CAV1: variants seen among roughly 807,000 people sequenced by gnomAD.
CAV1 encodes the protein caveolin-1.
CAV1 carries 10 observed loss-of-function variants against 16.5 expected under a neutral mutation model. The observed-to-expected ratio is 0.61, with a 90% CI of 0.37 to 1.03. The LOEUF (loss-of-function observed/expected upper bound fraction) is 1.03. Ranked by LOEUF, CAV1 falls within the 50% of genes least tolerant of loss-of-function variation. The pLI is 0.01. For missense variants in CAV1, 212 were observed against 232.8 expected, an observed-to-expected ratio of 0.91 and a Z score of 0.58; for synonymous variants, 76 against 85.1, an observed-to-expected ratio of 0.89 and a Z score of 0.59.
intron 2 of CAV1, among the ~76,000 whole-genome samples, chr7:116,548,465 G>T (rs1256808625): frequency 6.6e-6 from 1 of 152,186 alleles, no homozygotes; most frequent in Non-Finnish European, 1.5e-5. Flanking sequence ...AAGCCAGCCA[G>T]CTATATCCTC....
Position 116,536,310 on chromosome 7 carries a change from T to C in CAV1, c.195+9621T>C, listed in dbSNP as rs557523742. On this transcript the variant is annotated intron_variant, in intron 2 of 2. Coordinates refer to ENST00000341049, the MANE Select transcript of CAV1 (RefSeq NM_001753.5). ...ACCATTTATGTGCATGGTGCTTCCA[T>C]GTGTGATGACCCAATCAGGCTCAGG... Among the ~76,000 whole-genome samples the C allele has an allele frequency of 2.8e-4, 43 of 152,194 alleles. No homozygotes were observed. In the South Asian group the frequency reaches 8.7e-3, roughly 31 times the overall value.
chr7:116,548,716 A>C (rs1794101358), intron 2 of CAV1, among the ~76,000 whole-genome samples: 1 of 152,122 alleles, frequency 6.6e-6, no homozygotes, highest in South Asian at 2.1e-4. Flanking sequence ...AGGAACTGAG[A>C]GAGCAAAATC....
Position 116,531,735 on chromosome 7 carries a change from A to C in CAV1, c.195+5046A>C, listed in dbSNP as rs564512837. On this transcript the variant is annotated intron_variant, in intron 2 of 2. Transcript: ENST00000341049. Reference sequence around the variant, plus strand: ...GTTTAAAAGATCAGATTGTCTCGGCACCATGTTAATATCTTTTTCTGTTGG... The same window carrying C: ...GTTTAAAAGATCAGATTGTCTCGGCCCCATGTTAATATCTTTTTCTGTTGG... 7.9e-5 allele frequency among the ~76,000 whole-genome samples: 12 copies of C among 152,310 alleles called. No homozygotes were observed. In the South Asian group the frequency reaches 2.5e-3, roughly 32 times the overall value.
At chr7:116,525,848 C>T in intron 1 of CAV1, 6 of 996,224 alleles carry the variant, frequency 6.0e-6, no homozygotes, top group Non-Finnish European at 7.2e-6. Flanking sequence ...TGGTGCCTGG[C>T]TCCGCCAAAA....
intron 2 of CAV1, among the ~76,000 whole-genome samples, chr7:116,535,807 G>C (rs528045050): frequency 6.6e-6 from 1 of 152,172 alleles, no homozygotes; most frequent in Non-Finnish European, 1.5e-5. Context: ...CATGGCAGGG[G>C]AAGTACATAT....
rs573371870 is a variant in CAV1 at position 116,553,210 on chromosome 7, G to C, written c.196-5736G>C. Reference sequence around the variant, plus strand: ...TAAAAATCCTGTGCACATGTAAACTGTTTTTCAAATATTGCCTTCAGATAC... The same window carrying C: ...TAAAAATCCTGTGCACATGTAAACTCTTTTTCAAATATTGCCTTCAGATAC... On this transcript the variant is annotated intron_variant, in intron 2 of 2. Transcript: ENST00000341049. Among the ~76,000 whole-genome samples the C allele has an allele frequency of 2.0e-5, 3 of 152,126 alleles. No homozygotes were observed. In the South Asian group the frequency reaches 6.2e-4, roughly 32 times the overall value.
rs1584788650 is a variant in CAV1, at chr7:116,559,575, T to C, written c.*288T>C. 5.7e-5 allele frequency: 30 copies of C among 522,922 alleles called. No individual in the cohort carries two copies. The East Asian group carries it at 9.1e-4, about 16-fold the overall frequency. The allele number at this position is 522,922 out of a possible 1,614,324, so 32.4% of individuals were successfully genotyped here. ...TATTGGCTGAGATATGAACATATTG[T>C]TGAAAGGTAATTTGAGAGAAATATG... On this transcript the variant is annotated 3_prime_UTR_variant, in exon 3 of 3. Transcript: ENST00000341049.
chr7:116,546,798 G>A (rs1005778480), intron 2 of CAV1, among the ~76,000 whole-genome samples: 2 of 151,800 alleles, frequency 1.3e-5, no homozygotes, highest in Non-Finnish European at 2.9e-5. Context: ...GAGGGAATGT[G>A]TGTGCATTTT....
In CAV1 at chr7:116,525,261, G is replaced by C. The variant is rs184881924; in HGVS notation, c.30+169G>C. On this transcript the variant is annotated intron_variant, in intron 1 of 2. Coordinates refer to ENST00000341049, the MANE Select transcript of CAV1 (RefSeq NM_001753.5). ...GAATGGGCCTGGGCGGGGAGGTGAAGAGAAGCCAGGAATGTTTTATGTTTT... is the reference window on the plus strand; with the variant it reads ...GAATGGGCCTGGGCGGGGAGGTGAACAGAAGCCAGGAATGTTTTATGTTTT... The C allele has an allele frequency of 1.9e-6, 3 of 1,591,102 alleles. No individual in the cohort carries two copies. In the African/African-American group the frequency reaches 4.0e-5, roughly 21 times the overall value.
chr7:116,526,299 C>A (rs922272718), intron 1 of CAV1: 1 of 1,371,600 alleles, frequency 7.3e-7, no homozygotes, highest in Non-Finnish European at 9.5e-7. Flanking sequence ...CTGCAGAGTA[C>A]AGAGGGGTGT....
chr7:116,549,912 A>G (rs919929471), intron 2 of CAV1, among the ~76,000 whole-genome samples: 4 of 152,198 alleles, frequency 2.6e-5, no homozygotes, highest in Non-Finnish European at 5.9e-5. Flanking sequence ...ACAGGTGACT[A>G]CATTTAGTCA....
Position 116,549,691 on chromosome 7 carries a change from G to A in CAV1, c.196-9255G>A, listed in dbSNP as rs186339206. On this transcript the variant is annotated intron_variant, in intron 2 of 2. Coordinates refer to ENST00000341049, the MANE Select transcript of CAV1 (RefSeq NM_001753.5). ...AATACCAGGCAAAGAATTAATAAGA[G>A]ATAATATTATGGTTGGTGAAATGTT... 2.0e-3 allele frequency among the ~76,000 whole-genome samples: 306 copies of A among 152,192 alleles called. 2 individuals are homozygous for A. The highest frequency in any genetic ancestry group is 7.0e-3 in the African/African-American group (289 of 41,532).
At chr7:116,550,023 A>G (rs1794127963) in intron 2 of CAV1, among the ~76,000 whole-genome samples, 1 of 152,214 alleles carries the variant, frequency 6.6e-6, no homozygotes, top group Non-Finnish European at 1.5e-5. Flanking sequence ...CAAGTTTGTG[A>G]AGAGAAGCAG....
chr7:116,526,306 G>T, intron 1 of CAV1: 8 of 1,396,162 alleles, frequency 5.7e-6, no homozygotes, highest in Non-Finnish European at 6.6e-6. Flanking sequence ...GTACAGAGGG[G>T]TGTGGTGTCC....
intron 2 of CAV1, among the ~76,000 whole-genome samples, chr7:116,550,107 G>A (rs1450821633): frequency 4.6e-5 from 7 of 152,120 alleles, no homozygotes; most frequent in African/African-American, 7.2e-5. Context: ...GCAACAAGAG[G>A]GAGGTCATTT....
At chr7:116,548,537 T>A (rs1459162889) in intron 2 of CAV1, among the ~76,000 whole-genome samples, 1 of 152,218 alleles carries the variant, frequency 6.6e-6, no homozygotes, top group East Asian at 1.9e-4. Context: ...AGAGAAGGCA[T>A]GTTTTACAGT....
At chr7:116,537,934 A>G (rs1395453260) in intron 2 of CAV1, among the ~76,000 whole-genome samples, 1 of 152,152 alleles carries the variant, frequency 6.6e-6, no homozygotes, top group East Asian at 1.9e-4. Context: ...TAGAAATAGA[A>G]CCAGACACGT....
At chr7:116,551,176 C>T (rs991739148) in intron 2 of CAV1, among the ~76,000 whole-genome samples, 6 of 152,156 alleles carry the variant, frequency 3.9e-5, no homozygotes, top group Admixed American at 2.0e-4. Flanking sequence ...GAAATGGGGC[C>T]GGAGAATCTG....
intron 2 of CAV1, among the ~76,000 whole-genome samples, chr7:116,538,640 TCTA>T (rs1793873876): frequency 6.6e-6 from 1 of 152,222 alleles, no homozygotes; most frequent in South Asian, 2.1e-4. Flanking sequence ...TTTCTCTAGG[TCTA>T]AAGCTAGGAA....
Sources: gnomAD v4.1 joint callset for allele counts (sites outside exome capture counted in the v4.1 genomes callset) on GRCh38, gnomAD v4.1.1 for gene constraint, MANE v1.5 for transcripts, NCBI Gene and HGNC (gene_info 2026-07-23, HGNC 2026-07-21) for gene names.